The following RCAN2 variants were observed in gnomAD, a reference collection of about 807,000 sequenced individuals.
RCAN2 encodes the protein regulator of calcineurin 2.
Under a neutral mutation model 23.6 loss-of-function variants are expected in RCAN2, and 9 were observed. That is an observed-to-expected ratio of 0.38 (90% CI 0.23 to 0.67). The LOEUF is 0.67. RCAN2 is among the 30% of genes least tolerant of loss of function. RCAN2 has a pLI of 0.51. For synonymous variants in RCAN2, 109 were observed against 115.7 expected, an observed-to-expected ratio of 0.94 and a Z score of 0.37; for missense variants, 273 against 302.3, an observed-to-expected ratio of 0.90 and a Z score of 0.72.
intron 2 of RCAN2, among the ~76,000 whole-genome samples, chr6:46,302,395 G>A (rs149431423): frequency 1.9e-3 from 283 of 152,194 alleles, no homozygotes; most frequent in African/African-American, 6.4e-3. Flanking sequence ...TATTTATAGT[G>A]ATGTCCAAGA....
chr6:46,358,050 G>T (rs1764895370), intron 2 of RCAN2, among the ~76,000 whole-genome samples: 1 of 152,024 alleles, frequency 6.6e-6, no homozygotes. Flanking sequence ...GTTTATTTTT[G>T]CAACATGCAA....
Position 46,311,590 on chromosome 6 carries a change from C to T in RCAN2, c.226-62694G>A, listed in dbSNP as rs544136191. Among the ~76,000 whole-genome samples, 39 of 152,242 alleles carry T rather than the reference C, an allele frequency of 2.6e-4. 1 individual carries two copies. The highest frequency in any genetic ancestry group is 1.5e-3 in the East Asian group (8 of 5,172). On this transcript the variant is annotated intron_variant, in intron 2 of 4. Coordinates refer to ENST00000371374, the MANE Select transcript of RCAN2 (RefSeq NM_001251974.2). ...AAGTGGGACTGGAGAAGCAGCCTAC[C>T]GGGCCGTAATCTCTCCAACTGACCT...
chr6:46,244,259 C>T (rs916753090), intron 4 of RCAN2, among the ~76,000 whole-genome samples: 1 of 152,184 alleles, frequency 6.6e-6, no homozygotes, highest in Non-Finnish European at 1.5e-5. Flanking sequence ...CTCCCCATCC[C>T]CCATCGCCAA....
intron 2 of RCAN2, among the ~76,000 whole-genome samples, chr6:46,413,025 A>G (rs1766591957): frequency 6.6e-6 from 1 of 152,240 alleles, no homozygotes; most frequent in African/African-American, 2.4e-5. Context: ...CATATTAAAA[A>G]TGATTGTCTT....
intron 2 of RCAN2, among the ~76,000 whole-genome samples, chr6:46,417,852 A>T (rs1431917856): frequency 6.6e-6 from 1 of 152,236 alleles, no homozygotes; most frequent in Admixed American, 6.5e-5. Flanking sequence ...TAATTTACAC[A>T]CACAATTAAT....
intron 1 of RCAN2, among the ~76,000 whole-genome samples, chr6:46,480,071 T>G (rs963037800): frequency 6.6e-6 from 1 of 152,170 alleles, no homozygotes; most frequent in Non-Finnish European, 1.5e-5. Flanking sequence ...TGCAGCAGTA[T>G]TATTCATTAT....
At chr6:46,229,940 G>A (rs188023971) in intron 4 of RCAN2, among the ~76,000 whole-genome samples, 1 of 152,152 alleles carries the variant, frequency 6.6e-6, no homozygotes, top group Non-Finnish European at 1.5e-5. Context: ...TGATGGTAAC[G>A]TACAGATGGG....
At chr6:46,433,693 T>A (rs1344701773) in intron 2 of RCAN2, among the ~76,000 whole-genome samples, 1 of 152,196 alleles carries the variant, frequency 6.6e-6, no homozygotes, top group Non-Finnish European at 1.5e-5. Context: ...CCAGAAGGAA[T>A]ACATGACTGC....
intron 2 of RCAN2, among the ~76,000 whole-genome samples, chr6:46,441,826 C>T (rs555264379): frequency 5.5e-4 from 83 of 152,196 alleles, no homozygotes; most frequent in South Asian, 3.7e-3. Context: ...TATGGTTGAA[C>T]ACCATAAGCA....
intron 2 of RCAN2, among the ~76,000 whole-genome samples, chr6:46,304,253 C>T (rs1338382066): frequency 6.6e-6 from 1 of 152,052 alleles, no homozygotes; most frequent in African/African-American, 2.4e-5. Flanking sequence ...GTATTTTGCT[C>T]ATTTTTAATT....
intron 2 of RCAN2, among the ~76,000 whole-genome samples, chr6:46,352,983 A>G (rs1764708270): frequency 6.6e-6 from 1 of 152,326 alleles, no homozygotes; most frequent in East Asian, 1.9e-4. Context: ...GACACCAGGC[A>G]TAGCTCCCAG....
At chr6:46,424,374 T>C (rs1428278731) in intron 2 of RCAN2, among the ~76,000 whole-genome samples, 8 of 151,874 alleles carry the variant, frequency 5.3e-5, no homozygotes, top group Non-Finnish European at 1.2e-4. Context: ...GCAGACAAAC[T>C]CCAATCCTCC....
chr6:46,377,079 T>C (rs1441385075), intron 2 of RCAN2, among the ~76,000 whole-genome samples: 1 of 152,190 alleles, frequency 6.6e-6, no homozygotes, highest in Non-Finnish European at 1.5e-5. Flanking sequence ...AATGTTGCCT[T>C]CTGGAGCCCT....
chr6:46,320,541 T>C (rs1359702779), intron 2 of RCAN2, among the ~76,000 whole-genome samples: 2 of 152,142 alleles, frequency 1.3e-5, no homozygotes, highest in Non-Finnish European at 2.9e-5. Context: ...AGGTATACTA[T>C]CGTGTAAAAA....
chr6:46,245,209 T>G (rs1766471810), intron 4 of RCAN2, among the ~76,000 whole-genome samples: 1 of 152,192 alleles, frequency 6.6e-6, no homozygotes, highest in African/African-American at 2.4e-5. Context: ...AAGGTAAAAC[T>G]TATGGCCATT....
Position 46,330,993 on chromosome 6 carries a change from T to G in RCAN2, c.226-82097A>C, listed in dbSNP as rs535002949. On this transcript the variant is annotated intron_variant, in intron 2 of 4. Transcript: ENST00000371374. ...ACATAGAGTCTGGCTGTCTCTCTTT[T>G]GTGGTATTAGTGCCTTCATGCTCAA... Among the ~76,000 whole-genome samples the G allele has an allele frequency of 2.0e-5, 3 of 152,288 alleles. No individual in the cohort carries two copies. In the East Asian group the frequency reaches 5.8e-4, roughly 29 times the overall value.
intron 2 of RCAN2, among the ~76,000 whole-genome samples, chr6:46,263,047 G>C (rs1259860983): frequency 6.6e-6 from 1 of 152,210 alleles, no homozygotes; most frequent in Non-Finnish European, 1.5e-5. Flanking sequence ...TTCAAGGGCA[G>C]TAATGGTGTC....
chr6:46,431,194 T>C (rs1458237132), intron 2 of RCAN2, among the ~76,000 whole-genome samples: 1 of 151,342 alleles, frequency 6.6e-6, no homozygotes, highest in Non-Finnish European at 1.5e-5. Context: ...ATGGAAGATT[T>C]GTATTTTTAA....
In RCAN2 at chr6:46,397,404, C is replaced by T. The variant is rs1343755783; in HGVS notation, c.225+59348G>A. On this transcript the variant is annotated intron_variant, in intron 2 of 4. Transcript: ENST00000371374. ...ACACACACACACACACACACACACACACCACAGTGACTGTAAAAGTTGGTG... is the reference window on the plus strand; with the variant it reads ...ACACACACACACACACACACACACATACCACAGTGACTGTAAAAGTTGGTG... Among the ~76,000 whole-genome samples the T allele has an allele frequency of 6.6e-5, 10 of 151,412 alleles. No individual in the cohort carries two copies. The South Asian group carries it at 1.3e-3, about 19-fold the overall frequency.
Sources: allele counts gnomAD v4.1 joint callset (sites outside exome capture counted in the v4.1 genomes callset), GRCh38; gene constraint gnomAD v4.1.1; transcripts MANE v1.5; gene names NCBI Gene and HGNC (gene_info 2026-07-23, HGNC 2026-07-21).